Variants in JARID2 observed in about 807,000 individuals in gnomAD.
JARID2 encodes jumonji and AT-rich interaction domain containing 2.
JARID2 carries 21 observed loss-of-function variants against 125.6 expected under a neutral mutation model. That is an observed-to-expected ratio of 0.17 (90% CI 0.12 to 0.24). The LOEUF is 0.24. Ranked by LOEUF, JARID2 falls within the 10% of genes least tolerant of loss-of-function variation. JARID2 has a pLI of 1.00. For synonymous variants in JARID2, 736 were observed against 661.6 expected, an observed-to-expected ratio of 1.11 and a Z score of -1.73; for missense variants, 1,303 against 1,639.6, an observed-to-expected ratio of 0.79 and a Z score of 3.55.
intron 2 of JARID2, among the ~76,000 whole-genome samples, chr6:15,377,720 G>T (rs952454166): frequency 6.6e-6 from 1 of 151,906 alleles, no homozygotes; most frequent in African/African-American, 2.4e-5. Flanking sequence ...CTTTAGTAGG[G>T]ATGGGGTTTC....
Position 15,520,145 on chromosome 6 carries a change from G to GT in JARID2, c.3636dup (p.Lys1213Ter). 6.2e-7 allele frequency: 1 copy of GT among 1,614,074 alleles called. No homozygotes were observed. Among genetic ancestry groups the GT allele is most frequent in the Non-Finnish European group, 8.5e-7 (1 of 1,179,978 alleles). On this transcript the variant is annotated frameshift_variant, in exon 18 of 18. Coordinates refer to ENST00000341776, the MANE Select transcript of JARID2 (RefSeq NM_004973.4). LOFTEE classifies it high-confidence loss of function. ...AACGGCAGCATTGAGAACTGTCTCA[G>GT]TAAACCCACACCAAAAAGAGGTCCC...
intron 1 of JARID2, among the ~76,000 whole-genome samples, chr6:15,275,429 A>C (rs537199093): frequency 1.3e-5 from 2 of 151,398 alleles, no homozygotes; most frequent in Non-Finnish European, 2.9e-5. Flanking sequence ...GTAATTGGAA[A>C]CAGCTGCTGT....
chr6:15,508,212 T>C (rs1771103016), intron 11 of JARID2, 128 bp from the exon 12 acceptor site: 1 of 637,044 alleles, frequency 1.6e-6, no homozygotes, highest in African/African-American at 1.8e-5. Context: ...TCACTGTCTT[T>C]TGTCTGGCTT....
chr6:15,405,352 A>C (rs1765605203), intron 2 of JARID2, among the ~76,000 whole-genome samples: 1 of 152,156 alleles, frequency 6.6e-6, no homozygotes, highest in East Asian at 1.9e-4. Flanking sequence ...CAATTTCTTT[A>C]GAGTTCTCGG....
intron 9 of JARID2, 54 bp downstream of exon 9, chr6:15,504,646 A>G (rs1770907669): frequency 7.6e-6 from 9 of 1,186,724 alleles, no homozygotes; most frequent in Admixed American, 1.7e-5. Flanking sequence ...CCCCTCGGCG[A>G]GCTGGAGGAC....
chr6:15,501,082 C>A lies in JARID2; in HGVS notation c.2121C>A (p.Ser707=). Reference sequence around the variant, plus strand: ...AGGCCTACTGCCAGTACCTACTCTCCTACGACTCCCTGTCCCCAGAGGAGC... The same window carrying A: ...AGGCCTACTGCCAGTACCTACTCTCATACGACTCCCTGTCCCCAGAGGAGC... The part of the protein sequence containing the change: ...LQEAYCQYLL[S]YDSLSPEEHR... Residue 707 remains serine, a synonymous_variant, in exon 8 of 18, where the codon TCC becomes TCA. Coordinates refer to ENST00000341776, the MANE Select transcript of JARID2 (RefSeq NM_004973.4). 1 of 1,614,064 alleles carries A rather than the reference C, an allele frequency of 6.2e-7. No individual in the cohort carries two copies. The highest frequency in any genetic ancestry group is 8.5e-7 in the Non-Finnish European group (1 of 1,179,934).
chr6:15,293,028 A>T (rs1371659036), intron 1 of JARID2, among the ~76,000 whole-genome samples: 1 of 152,238 alleles, frequency 6.6e-6, no homozygotes, highest in Non-Finnish European at 1.5e-5. Flanking sequence ...AGAAAGACTT[A>T]TGTGTAAATG....
At position 15,291,131 on chromosome 6, in the gene JARID2, G is replaced by A. The variant is rs960813473; in HGVS notation, c.45+44547G>A. Among the ~76,000 whole-genome samples the A allele has an allele frequency of 6.6e-5, 10 of 152,166 alleles. No individual in the cohort carries two copies. The South Asian group carries it at 2.1e-3, about 32-fold the overall frequency. On this transcript the variant is annotated intron_variant, in intron 1 of 17. Coordinates refer to ENST00000341776, the MANE Select transcript of JARID2 (RefSeq NM_004973.4). ...CATGCTTGTAGTCTCAGTTACTCAG[G>A]ACGTTGCGGTGGGAGATTGCTTGAG...
intron 1 of JARID2, among the ~76,000 whole-genome samples, chr6:15,296,226 A>G (rs964750666): frequency 2.6e-5 from 4 of 152,114 alleles, no homozygotes; most frequent in African/African-American, 4.8e-5. Flanking sequence ...TTCTTGGCAT[A>G]ATTCCTAGCC....
chr6:15,378,616 A>G (rs1435973309), intron 2 of JARID2, among the ~76,000 whole-genome samples: 2 of 152,176 alleles, frequency 1.3e-5, no homozygotes, highest in Non-Finnish European at 2.9e-5. Flanking sequence ...CAGAATTGGA[A>G]TTGCAGCTCA....
At chr6:15,373,138 A>T (rs909262080) in intron 1 of JARID2, among the ~76,000 whole-genome samples, 1 of 152,230 alleles carries the variant, frequency 6.6e-6, no homozygotes, top group African/African-American at 2.4e-5. Context: ...GTGAATCATC[A>T]TCTATTAATA....
chr6:15,518,388 TGA>T (rs1771668002), intron 17 of JARID2, among the ~76,000 whole-genome samples: 6 of 152,202 alleles, frequency 3.9e-5, no homozygotes, highest in Admixed American at 3.9e-4. Flanking sequence ...TGGTTGGTTT[TGA>T]TGAATTAGGA....
chr6:15,514,206 G>A (rs1054886850), intron 16 of JARID2, among the ~76,000 whole-genome samples: 1 of 152,166 alleles, frequency 6.6e-6, no homozygotes, highest in South Asian at 2.1e-4. Context: ...GTCTCCCCTT[G>A]ACCTCTCACC....
chr6:15,411,950 G>A (rs1765896467), intron 3 of JARID2, among the ~76,000 whole-genome samples: 2 of 152,224 alleles, frequency 1.3e-5, no homozygotes, highest in Non-Finnish European at 2.9e-5. Flanking sequence ...TCTCTCAGAA[G>A]ATAGTGTTGC....
intron 2 of JARID2, among the ~76,000 whole-genome samples, chr6:15,382,287 G>A (rs11751816): frequency 0.49 from 74,448 of 151,996 alleles, 18,370 homozygotes; most frequent in Middle Eastern, 0.57. Context: ...AACCCCAAAC[G>A]AGTGTATGGG....
At chr6:15,497,198 G>A (rs755256211) in intron 7 of JARID2, 28 bp downstream of exon 7, 12 of 1,490,148 alleles carry the variant, frequency 8.1e-6, no homozygotes, top group East Asian at 2.5e-5. Context: ...GTCAGGGGGT[G>A]GTGCCTGCCC....
intron 2 of JARID2, among the ~76,000 whole-genome samples, chr6:15,406,374 C>T (rs1419740671): frequency 6.6e-6 from 1 of 152,224 alleles, no homozygotes; most frequent in African/African-American, 2.4e-5. Context: ...GCGGAGGTTG[C>T]AGTGAGCCAA....
intron 6 of JARID2, among the ~76,000 whole-genome samples, chr6:15,494,559 C>T (rs934215077): frequency 1.6e-4 from 24 of 152,102 alleles, no homozygotes; most frequent in African/African-American, 5.8e-4. Flanking sequence ...CAGGCGCACA[C>T]CGCCACACCC....
At chr6:15,301,459 C>G (rs1006575116) in intron 1 of JARID2, among the ~76,000 whole-genome samples, 7 of 152,232 alleles carry the variant, frequency 4.6e-5, no homozygotes, top group Non-Finnish European at 8.8e-5. Context: ...ACCCGGGTTT[C>G]ATCTGAGTGA....
Sources: allele counts gnomAD v4.1 joint callset (sites outside exome capture counted in the v4.1 genomes callset), GRCh38; gene constraint gnomAD v4.1.1; transcripts MANE v1.5; gene names NCBI Gene and HGNC (gene_info 2026-07-23, HGNC 2026-07-21).